ANXA8: variants seen among roughly 807,000 people sequenced by gnomAD.
ANXA8 encodes annexin A8, also known as VAC-beta.
In ANXA8, 9 loss-of-function variants were observed where a neutral mutation model predicts 26.8. The ratio of observed to expected loss-of-function variants is 0.34; its 90% CI spans 0.20 to 0.59. ANXA8 has a LOEUF of 0.59. Ranked by LOEUF, ANXA8 falls within the 20% of genes least tolerant of loss-of-function variation. The pLI, the probability that ANXA8 is intolerant of heterozygous loss-of-function variation, is 0.84. For synonymous variants in ANXA8, 39 were observed against 94.8 expected (o/e 0.41, Z 3.42); for missense variants, 83 against 238.5 (o/e 0.35, Z 4.29).
the ANXA8 span, among the ~76,000 whole-genome samples, chr10:47,940,060 A>T: frequency 4.7e-4 from 70 of 149,492 alleles, no homozygotes; most frequent in African/African-American, 1.6e-3. Flanking sequence ...TCCGAATCTC[A>T]TGCTTTCCAA....
intron 1 of ANXA8, among the ~76,000 whole-genome samples, chr10:47,480,816 ACATC>A (rs1274300808): frequency 3.8e-5 from 4 of 104,374 alleles, no homozygotes; most frequent in African/African-American, 1.4e-4. Flanking sequence ...TTTGACTACC[ACATC>A]CATCCATCCA....
the ANXA8 span, among the ~76,000 whole-genome samples, chr10:47,969,442 CACGGGGCTAAAATCAG>C: frequency 2.7e-5 from 4 of 148,104 alleles, no homozygotes; most frequent in African/African-American, 9.8e-5. Context: ...GCATGGGCCT[CACGGGGCTAAAATCAG>C]TGTCACAGGG....
chr10:47,666,986 A>T, the ANXA8 span, among the ~76,000 whole-genome samples: 3 of 152,114 alleles, frequency 2.0e-5, no homozygotes, highest in Admixed American at 6.5e-5. Context: ...AGTTGTCCAA[A>T]TTTCCCATTT....
chr10:47,685,141 G>A, the ANXA8 span, among the ~76,000 whole-genome samples: 43 of 150,464 alleles, frequency 2.9e-4, 1 homozygote, highest in East Asian at 8.4e-3. Context: ...GAGGTTGGGA[G>A]TTCAAGACCA....
the ANXA8 span, among the ~76,000 whole-genome samples, chr10:47,932,363 T>C: frequency 1.3e-5 from 2 of 150,830 alleles, no homozygotes; most frequent in African/African-American, 4.9e-5. Context: ...ACTCAGTAAC[T>C]GGGGGAAAAT....
At chr10:47,916,699 C>T in the ANXA8 span, among the ~76,000 whole-genome samples, 1 of 134,560 alleles carries the variant, frequency 7.4e-6, no homozygotes, top group Non-Finnish European at 1.7e-5. Context: ...CATTTCAGCT[C>T]TTCTGCTGTT....
chr10:47,982,792 T>C, the ANXA8 span, among the ~76,000 whole-genome samples: 5 of 47,230 alleles, frequency 1.1e-4, no homozygotes, highest in Middle Eastern at 9.8e-3. Flanking sequence ...GGAAGAAGTA[T>C]TTGCAAATCA....
At chr10:47,705,132 A>G in the ANXA8 span, among the ~76,000 whole-genome samples, 1 of 151,874 alleles carries the variant, frequency 6.6e-6, no homozygotes, top group Admixed American at 6.6e-5. Context: ...TAAGTGGTTG[A>G]AAACAGCAGG....
chr10:47,747,972 C>T, the ANXA8 span, among the ~76,000 whole-genome samples: 1 of 151,892 alleles, frequency 6.6e-6, no homozygotes. Context: ...AATAAAAACT[C>T]TAAGCTGAAG....
the ANXA8 span, among the ~76,000 whole-genome samples, chr10:47,684,344 G>A: frequency 5.2e-4 from 79 of 150,776 alleles, no homozygotes; most frequent in East Asian, 0.011. Context: ...TTTAGTAGCA[G>A]TAGCCTTTGA....
the ANXA8 span, among the ~76,000 whole-genome samples, chr10:47,685,607 C>T: frequency 6.9e-4 from 104 of 151,514 alleles, 1 homozygote; most frequent in Middle Eastern, 0.017. Flanking sequence ...GAGATTGGCT[C>T]GGTATAGATA....
the ANXA8 span, among the ~76,000 whole-genome samples, chr10:47,493,453 C>A: frequency 6.7e-6 from 1 of 149,096 alleles, no homozygotes; most frequent in Admixed American, 6.6e-5. Flanking sequence ...AAGCCCCTTC[C>A]CTGTTTCTTC....
the ANXA8 span, among the ~76,000 whole-genome samples, chr10:47,515,899 C>T: frequency 9.0e-6 from 1 of 111,430 alleles, no homozygotes; most frequent in Non-Finnish European, 1.8e-5. Context: ...ATAAAGCAGG[C>T]CAGGGACCAC....
the ANXA8 span, among the ~76,000 whole-genome samples, chr10:47,761,092 A>T: frequency 4.4e-4 from 47 of 106,938 alleles, no homozygotes; most frequent in East Asian, 0.015. Flanking sequence ...GGCAACACAC[A>T]CACACACACG....
chr10:47,660,861 A>G, the ANXA8 span, among the ~76,000 whole-genome samples: 4 of 148,310 alleles, frequency 2.7e-5, no homozygotes, highest in Non-Finnish European at 4.4e-5. Flanking sequence ...AGAGAGATTT[A>G]TGATTCCCAA....
chr10:47,743,405 T>TGTGTGTGAGAGAGAGAGAGAGA, the ANXA8 span, among the ~76,000 whole-genome samples: 10 of 83,532 alleles, frequency 1.2e-4, no homozygotes, highest in African/African-American at 4.9e-4. Context: ...TGTGTGTGTG[T>TGTGTGTGAGAGAGAGAGAGAGA]GAGAGAGAGA....
chr10:47,589,457 G>A, the ANXA8 span: 1 of 146,216 alleles, frequency 6.8e-6, no homozygotes, highest in Admixed American at 6.6e-5. Context: ...TCCTGCCGTG[G>A]GGACTTTTCC....
At chr10:47,593,564 A>G in the ANXA8 span, among the ~76,000 whole-genome samples, 1 of 149,690 alleles carries the variant, frequency 6.7e-6, no homozygotes, top group Non-Finnish European at 1.5e-5. Flanking sequence ...AGTTTGAGTT[A>G]TACCATCATA....
At chr10:47,567,662 T>C in the ANXA8 span, among the ~76,000 whole-genome samples, 1 of 151,600 alleles carries the variant, frequency 6.6e-6, no homozygotes, top group Non-Finnish European at 1.5e-5. Flanking sequence ...GCTATCATTG[T>C]TGCATTTGCA....
Sources: gnomAD v4.1 joint callset for allele counts (sites outside exome capture counted in the v4.1 genomes callset) on GRCh38, gnomAD v4.1.1 for gene constraint, MANE v1.5 for transcripts, NCBI Gene and HGNC (gene_info 2026-07-23, HGNC 2026-07-21) for gene names.